Variants in PELP1 observed in about 807,000 individuals in gnomAD.
PELP1 encodes the protein proline, glutamate and leucine rich protein 1, also known as proline-, glutamic acid- and leucine-rich protein 1.
In PELP1, 32 loss-of-function variants were observed where a neutral mutation model predicts 95.5. The observed-to-expected ratio is 0.34, with a 90% CI of 0.25 to 0.45. PELP1 has a LOEUF of 0.45. Among genes scored for constraint, PELP1 ranks in the 20% least tolerant of loss-of-function variants. The probability of loss-of-function intolerance (pLI) is 1.00; values close to 1 mark genes in which losing one functional copy is unlikely to be tolerated. For missense variants in PELP1, 1,358 were observed against 1,444.8 expected (o/e 0.94, Z 0.97); for synonymous variants, 668 against 600.1 (o/e 1.11, Z -1.65).
At chr17:4,684,792 C>G (rs2150559661) in intron 3 of PELP1, among the ~76,000 whole-genome samples, 1 of 152,214 alleles carries the variant, frequency 6.6e-6, no homozygotes, top group East Asian at 1.9e-4. Context: ...CCTCCCAGGT[C>G]CTGGTTCAAG....
intron 1 of PELP1, among the ~76,000 whole-genome samples, chr17:4,693,720 A>G (rs891267121): frequency 2.4e-4 from 37 of 152,200 alleles, no homozygotes; most frequent in African/African-American, 7.2e-4. Flanking sequence ...GGTAGGATGA[A>G]GCAGAACTCC....
Position 4,672,860 on chromosome 17 carries a change from G to C in PELP1, c.2131C>G (p.Leu711Val). 6.2e-7 allele frequency: 1 copy of C among 1,613,978 alleles called. No individual in the cohort carries two copies. Among genetic ancestry groups the C allele is most frequent in the Non-Finnish European group, 8.5e-7 (1 of 1,179,866 alleles). ...GPPTTANHLG[L>V]SVPGLVSVPP... Reference sequence around the variant, plus strand: ...ACAGACACTAGGCCTGGGACAGAAAGGCCTAGGTGGTTGGCTGTGGTGGGA... The same window carrying C: ...ACAGACACTAGGCCTGGGACAGAAACGCCTAGGTGGTTGGCTGTGGTGGGA... The change falls in exon 16 of 17, where the codon CTT becomes GTT. Residue 711 changes from leucine to valine, a missense_variant. Physicochemically the swap from Leu to Val is conservative, Grantham distance 32. Transcript: ENST00000572293.
chr17:4,674,455 GA>G, intron 13 of PELP1, 54 bp downstream of exon 13: 3 of 1,540,320 alleles, frequency 1.9e-6, no homozygotes, highest in Non-Finnish European at 2.7e-6. Flanking sequence ...CCCACTAGGG[GA>G]AAGGATGGGG....
chr17:4,683,444 T>C (rs534754220), intron 3 of PELP1, among the ~76,000 whole-genome samples: 12 of 150,458 alleles, frequency 8.0e-5, no homozygotes, highest in East Asian at 7.8e-4. Context: ...ATGGTCTCGA[T>C]CTCCGACCTC....
intron 1 of PELP1, among the ~76,000 whole-genome samples, chr17:4,692,001 G>GCC (rs1913121286): frequency 6.6e-6 from 1 of 152,000 alleles, no homozygotes; most frequent in Non-Finnish European, 1.5e-5. Context: ...ACCTCTCCAT[G>GCC]CCCCAAATGG....
In PELP1 at chr17:4,683,537, T is replaced by TTTTTG. The variant is rs1329578320; in HGVS notation, c.421-586_421-585insCAAAA. 3.6e-5 allele frequency among the ~76,000 whole-genome samples: 5 copies of TTTTTG among 137,836 alleles called. No homozygotes were observed. The South Asian group carries it at 1.2e-3, about 34-fold the overall frequency. 90.4% of individuals were successfully genotyped at this position (137,836 alleles called of 152,430 possible). On this transcript the variant is annotated intron_variant, in intron 3 of 16. Coordinates refer to ENST00000572293, the MANE Select transcript of PELP1 (RefSeq NM_014389.3). ...CCCAGCTGAGTTTTCTTTTCTTTTT[T>TTTTTG]TTTTTTTTTTTGAGACAGAGTCTTG... is the stretch of plus-strand genomic sequence containing the variant.
At chr17:4,691,902 C>A (rs189308476) in intron 1 of PELP1, 9 of 153,576 alleles carry the variant, frequency 5.9e-5, no homozygotes, top group Non-Finnish European at 1.2e-4. Flanking sequence ...CAACACAGAC[C>A]GAGTCAACAA....
At chr17:4,703,809 A>T in intron 1 of PELP1, 54 bp downstream of exon 1, 2 of 1,483,910 alleles carry the variant, frequency 1.3e-6, no homozygotes, top group South Asian at 2.4e-5. Context: ...CCCGGCGCAC[A>T]GGTGCCGCGC....
chr17:4,691,148 C>T, intron 2 of PELP1, 155 bp from the exon 3 acceptor site: 1 of 663,372 alleles, frequency 1.5e-6, no homozygotes, highest in East Asian at 2.7e-5. Context: ...GTGGAAGAAG[C>T]AAAGAAAGAA....
chr17:4,700,260 C>T (rs1219827425), intron 1 of PELP1, among the ~76,000 whole-genome samples: 1 of 152,070 alleles, frequency 6.6e-6, no homozygotes, highest in African/African-American at 2.4e-5. Context: ...AAAAGAGAGG[C>T]CAGGTGCAGT....
At chr17:4,678,679 G>C (rs558945210) in intron 5 of PELP1, among the ~76,000 whole-genome samples, 1 of 152,206 alleles carries the variant, frequency 6.6e-6, no homozygotes, top group Non-Finnish European at 1.5e-5. Flanking sequence ...GAGTAGGTCA[G>C]TCTTCCCACC....
chr17:4,676,033 C>A lies in PELP1; in HGVS notation c.980+3G>T, dbSNP rs1912455772. ...CTCCGCTCCCTCCAATACCCACACA[C>A]ACCTGAGCATGAGCCCTAGGCAGCG... On this transcript the variant is annotated splice_donor_region_variant and intron_variant, in intron 8 of 16. Coordinates refer to ENST00000572293, the MANE Select transcript of PELP1 (RefSeq NM_014389.3). The A allele has an allele frequency of 1.2e-6, 2 of 1,613,724 alleles. No homozygotes were observed. The highest frequency in any genetic ancestry group is 1.3e-5 in the African/African-American group (1 of 74,918).
rs1168240958 is a variant in PELP1, at chr17:4,675,799, T to C, written c.1066A>G (p.Ile356Val). 6.4e-7 allele frequency: 1 copy of C among 1,568,810 alleles called. No homozygotes were observed. The highest frequency in any genetic ancestry group is 8.7e-7 in the Non-Finnish European group (1 of 1,155,416). The part of the protein sequence containing the change: ...CRTLSVSSKN[I>V]SLHGDGPLRL... Reference sequence around the variant, plus strand: ...AAGAGATGACAAATCCCACTTACAATATTCTTGCTACTGACGCTGAGGGTC... The same window carrying C: ...AAGAGATGACAAATCCCACTTACAACATTCTTGCTACTGACGCTGAGGGTC... The change falls in exon 9 of 17, where the codon ATT becomes GTT. Residue 356 changes from isoleucine to valine, a missense_variant and splice_region_variant. Ile to Val is a conservative substitution (Grantham distance 29). This residue lies in a region of PELP1 where 538 missense variants were observed against 628.1 expected (regional missense o/e 0.86). Transcript: ENST00000572293. This position sits in a 1 kb window ranked among gnomAD's most constrained non-coding sequence, Gnocchi z 4.3.
At position 4,691,438 on chromosome 17, in the gene PELP1, A is replaced by G; in HGVS notation, c.254T>C (p.Leu85Pro). The change falls in exon 2 of 17, where the codon CTT becomes CCT. Residue 85 changes from leucine to proline, a missense_variant. Leu to Pro is a moderately conservative substitution (Grantham distance 98). Around this residue, in one of 7 missense-constraint regions of PELP1, gnomAD observed 169 missense variants for 134.9 expected, o/e 1.25. Transcript: ENST00000572293. ...ACTCACCAATGCCCCAAGAGCTGAA[A>G]GGTTCTGGAGGAAAGAAAACAGGGA... ...LHGSVGGAQN[L>P]SALGALVSLS... 6.2e-7 allele frequency: 1 copy of G among 1,612,572 alleles called. No homozygotes were observed. The highest frequency in any genetic ancestry group is 1.7e-4 in the Middle Eastern group (1 of 6,056).
chr17:4,679,637 G>A (rs991194499), intron 5 of PELP1, among the ~76,000 whole-genome samples: 1 of 152,172 alleles, frequency 6.6e-6, no homozygotes, highest in Non-Finnish European at 1.5e-5. Context: ...TGTGTCATTT[G>A]AGAGGTTAAC....
chr17:4,685,323 C>T (rs1912867784), intron 3 of PELP1, among the ~76,000 whole-genome samples: 2 of 152,120 alleles, frequency 1.3e-5, no homozygotes, highest in Admixed American at 6.6e-5. Flanking sequence ...CCCGCAATCC[C>T]GGTTATCTTC....
At position 4,673,188 on chromosome 17, in the gene PELP1, G is replaced by A. The variant is rs140079854; in HGVS notation, c.1846-43C>T. The A allele has an allele frequency of 4.5e-5, 69 of 1,521,422 alleles. No homozygotes were observed. The African/African-American group carries it at 8.3e-4, about 18-fold the overall frequency. The allele number at this position is 1,521,422 out of a possible 1,614,324, so 94.2% of individuals were successfully genotyped here. A position where few individuals can be genotyped will look rare whatever the true frequency, so the allele number is the denominator to read the frequency against. ...GGCAAGTGTGAGCACCAGAAATACT[G>A]GGAGTCTCTTGGAAACAAGAGACTC... On this transcript the variant is annotated intron_variant, in intron 15 of 16. Transcript: ENST00000572293. This position sits in a 1 kb window ranked among gnomAD's most constrained non-coding sequence, Gnocchi z 5.7.
At chr17:4,691,152 G>C in intron 2 of PELP1, 159 bp from the exon 3 acceptor site, 1 of 660,300 alleles carries the variant, frequency 1.5e-6, no homozygotes, top group Non-Finnish European at 2.7e-6. Flanking sequence ...AAGAAGCAAA[G>C]AAAGAAGGGA....
chr17:4,676,946 T>C (rs888166684), intron 5 of PELP1, 134 bp from the exon 6 acceptor site: 7 of 656,502 alleles, frequency 1.1e-5, no homozygotes, highest in Non-Finnish European at 1.9e-5. Flanking sequence ...CAAAGCCCTC[T>C]ATGGGGCATC....
Sources: gnomAD v4.1 joint callset for allele counts (sites outside exome capture counted in the v4.1 genomes callset) on GRCh38, gnomAD v4.1.1 for gene constraint, gnomAD v4.1.1 regional missense constraint, Gnocchi (gnomAD v3.1) non-coding constraint, MANE v1.5 for transcripts, NCBI Gene and HGNC (gene_info 2026-07-23, HGNC 2026-07-21) for gene names.